Variants in DACH2 observed in about 807,000 individuals in gnomAD.
DACH2 encodes dachshund family transcription factor 2.
A neutral mutation model predicts 35.8 loss-of-function variants in DACH2; 17 were observed. The ratio of observed to expected loss-of-function variants is 0.48; its 90% CI spans 0.33 to 0.71. The LOEUF is 0.71. Ranked by LOEUF, DACH2 falls within the 30% of genes least tolerant of loss-of-function variation. The pLI, the probability that DACH2 is intolerant of heterozygous loss-of-function variation, is 0.02. For synonymous variants in DACH2, 195 were observed against 177.3 expected (o/e 1.10, Z -0.79); for missense variants, 469 against 472.7 (o/e 0.99, Z 0.07).
chrX:86,552,911 A>G (rs112767261), intron 3 of DACH2, among the ~76,000 whole-genome samples: 6,772 of 111,138 alleles, frequency 0.061, 165 homozygotes, highest in Middle Eastern at 0.12. Context: ...TATGCATCAG[A>G]TGTTACACAG....
At chrX:86,711,034 C>G (rs1469535035) in intron 5 of DACH2, among the ~76,000 whole-genome samples, 1 of 111,982 alleles carries the variant, frequency 8.9e-6, no homozygotes, top group African/African-American at 3.2e-5. Flanking sequence ...GTGCTATGCA[C>G]TTACATAAAA....
intron 2 of DACH2, among the ~76,000 whole-genome samples, chrX:86,396,909 A>T (rs1432109392): frequency 1.8e-5 from 2 of 110,652 alleles, no homozygotes; most frequent in African/African-American, 6.6e-5. Flanking sequence ...AAAGTAGTTT[A>T]TTTCCAATTC....
intron 2 of DACH2, among the ~76,000 whole-genome samples, chrX:86,392,301 C>T (rs976639444): frequency 9.0e-6 from 1 of 111,362 alleles, no homozygotes; most frequent in African/African-American, 3.3e-5. Flanking sequence ...ACATGTAGAA[C>T]ATATTGTTTC....
intron 3 of DACH2, among the ~76,000 whole-genome samples, chrX:86,601,173 T>C (rs781434222): frequency 4.5e-5 from 5 of 111,609 alleles, no homozygotes; most frequent in Non-Finnish European, 9.4e-5. Flanking sequence ...GTCGTATTAA[T>C]GGAAATTCAT....
chrX:86,397,062 T>G (rs2148125133), intron 2 of DACH2, among the ~76,000 whole-genome samples: 1 of 110,370 alleles, frequency 9.1e-6, no homozygotes, highest in African/African-American at 3.3e-5. Flanking sequence ...CTCTTTTATT[T>G]CCTTGAGCAG....
chrX:86,503,373 T>C (rs1028704310), intron 2 of DACH2, among the ~76,000 whole-genome samples: 3 of 112,400 alleles, frequency 2.7e-5, no homozygotes, highest in Non-Finnish European at 5.6e-5. Flanking sequence ...CCTATCCTTA[T>C]AGGCCTGTAC....
chrX:86,510,289 G>A (rs1015313434), intron 2 of DACH2, among the ~76,000 whole-genome samples: 1 of 111,754 alleles, frequency 8.9e-6, no homozygotes, highest in Non-Finnish European at 1.9e-5. Context: ...TGATGTATGA[G>A]CTACCTTCTC....
intron 9 of DACH2, among the ~76,000 whole-genome samples, chrX:86,814,126 G>A (rs1265947316): frequency 1.8e-5 from 2 of 111,613 alleles, no homozygotes; most frequent in Non-Finnish European, 3.8e-5. Context: ...GAGCAAGAGA[G>A]AGGCAGAGAG....
intron 2 of DACH2, among the ~76,000 whole-genome samples, chrX:86,408,863 C>T (rs1053951539): frequency 2.7e-5 from 3 of 111,261 alleles, no homozygotes; most frequent in Non-Finnish European, 3.8e-5. Flanking sequence ...CCTGGATGAT[C>T]GAATATTGTG....
At chrX:86,293,188 C>T (rs2034349740) in intron 1 of DACH2, among the ~76,000 whole-genome samples, 1 of 105,381 alleles carries the variant, frequency 9.5e-6, no homozygotes, top group South Asian at 4.7e-4. Flanking sequence ...TAATGGCCTT[C>T]TTTGTCTCTT....
intron 7 of DACH2, among the ~76,000 whole-genome samples, chrX:86,794,140 G>A (rs2042213295): frequency 1.8e-5 from 2 of 110,700 alleles, no homozygotes; most frequent in Admixed American, 1.9e-4. Context: ...AAAATACCAT[G>A]GAGAAATATG....
chrX:86,498,288 T>C (rs1488914713), intron 2 of DACH2, among the ~76,000 whole-genome samples: 1 of 112,089 alleles, frequency 8.9e-6, no homozygotes, highest in Non-Finnish European at 1.9e-5. Flanking sequence ...GATAAACTAA[T>C]TCTTTAATAC....
intron 3 of DACH2, among the ~76,000 whole-genome samples, chrX:86,596,600 T>A (rs1180150345): frequency 3.6e-5 from 4 of 111,462 alleles, no homozygotes; most frequent in African/African-American, 1.3e-4. Context: ...GTTATTAGGG[T>A]TCTCCACGGT....
At chrX:86,684,758 A>T (rs1364875801) in intron 4 of DACH2, among the ~76,000 whole-genome samples, 5 of 110,463 alleles carry the variant, frequency 4.5e-5, no homozygotes, top group Non-Finnish European at 7.6e-5. Flanking sequence ...AAAACTGTAA[A>T]TTTGTGCCAT....
At chrX:86,699,347 C>A (rs2041112227) in intron 5 of DACH2, among the ~76,000 whole-genome samples, 1 of 112,209 alleles carries the variant, frequency 8.9e-6, no homozygotes, top group South Asian at 3.7e-4. Flanking sequence ...CAAGGCTGGG[C>A]AATTTACAAA....
At chrX:86,571,214 G>A (rs910289763) in intron 3 of DACH2, among the ~76,000 whole-genome samples, 1 of 110,913 alleles carries the variant, frequency 9.0e-6, no homozygotes, top group Non-Finnish European at 1.9e-5. Flanking sequence ...AATTACCTTG[G>A]CAACTTTGTT....
rs1393829440 is a variant in DACH2, at chrX:86,811,629, G to T, written c.1241-1227G>T. Among the ~76,000 whole-genome samples, 3 of 111,441 alleles carry T rather than the reference G, an allele frequency of 2.7e-5. No individual in the cohort carries two copies. In the Admixed American group the frequency reaches 2.9e-4, roughly 11 times the overall value. On this transcript the variant is annotated intron_variant, in intron 7 of 11. Coordinates refer to ENST00000373125, the MANE Select transcript of DACH2 (RefSeq NM_053281.3). ...CCAGTGAGCAGCATAACTGTTTGAG[G>T]TGCTATGATTCACCCCATCATGCAC...
chrX:86,623,773 G>A (rs180857910), intron 3 of DACH2, among the ~76,000 whole-genome samples: 3 of 98,835 alleles, frequency 3.0e-5, no homozygotes, highest in Non-Finnish European at 6.4e-5. Context: ...GTGGCGGCCG[G>A]GCGCGGTGGC....
At chrX:86,274,800 C>G (rs982348263) in intron 1 of DACH2, among the ~76,000 whole-genome samples, 8 of 111,142 alleles carry the variant, frequency 7.2e-5, no homozygotes, top group Non-Finnish European at 1.5e-4. Context: ...GCCCTGCCAA[C>G]ATTAAATTCT....
Sources: allele counts gnomAD v4.1 joint callset (sites outside exome capture counted in the v4.1 genomes callset), GRCh38; gene constraint gnomAD v4.1.1; transcripts MANE v1.5; gene names NCBI Gene and HGNC (gene_info 2026-07-23, HGNC 2026-07-21).